The following AK5 variants were observed in gnomAD, a reference collection of about 807,000 sequenced individuals.
AK5 encodes adenylate kinase isoenzyme 5.
In AK5, 27 loss-of-function variants were observed where a neutral mutation model predicts 69.5. That is an observed-to-expected ratio of 0.39 (90% CI 0.29 to 0.54). The LOEUF is 0.54. Ranked by LOEUF, AK5 falls within the 20% of genes least tolerant of loss-of-function variation. The probability of loss-of-function intolerance (pLI) is 0.71; values close to 1 mark genes in which losing one functional copy is unlikely to be tolerated. For missense variants in AK5, 531 were observed against 700.4 expected (o/e 0.76, Z 2.73); for synonymous variants, 260 against 244.4 (o/e 1.06, Z -0.60).
intron 10 of AK5, among the ~76,000 whole-genome samples, chr1:77,515,414 C>T (rs7514937): frequency 2.0e-5 from 3 of 151,980 alleles, no homozygotes; most frequent in South Asian, 2.1e-4. Context: ...CCAGGAAAAC[C>T]GCAGAATGAG....
chr1:77,379,848 G>A (rs959064321), intron 6 of AK5, among the ~76,000 whole-genome samples: 10 of 152,090 alleles, frequency 6.6e-5, no homozygotes, highest in Non-Finnish European at 8.8e-5. Flanking sequence ...CATAAATAAC[G>A]TATCTGGGTC....
At chr1:77,403,015 G>A (rs936131700) in intron 6 of AK5, among the ~76,000 whole-genome samples, 35 of 152,084 alleles carry the variant, frequency 2.3e-4, no homozygotes, top group African/African-American at 8.5e-4. Context: ...GTATCTCATT[G>A]TGGTTTTGAT....
intron 5 of AK5, among the ~76,000 whole-genome samples, chr1:77,336,609 T>C (rs890995746): frequency 1.3e-5 from 2 of 152,188 alleles, no homozygotes; most frequent in Admixed American, 1.3e-4. Flanking sequence ...AGCTACAGTA[T>C]TATAATATTC....
chr1:77,353,554 A>G (rs1662329665), intron 6 of AK5, among the ~76,000 whole-genome samples: 1 of 152,136 alleles, frequency 6.6e-6, no homozygotes, highest in South Asian at 2.1e-4. Context: ...TCAGGTAAAG[A>G]TAGGGACTTG....
At chr1:77,535,136 C>G (rs982116281) in intron 12 of AK5, among the ~76,000 whole-genome samples, 1 of 152,216 alleles carries the variant, frequency 6.6e-6, no homozygotes, top group African/African-American at 2.4e-5. Context: ...CCCACTGCAG[C>G]AAGTGTTCCA....
chr1:77,467,906 C>G (rs1442057527), intron 8 of AK5, among the ~76,000 whole-genome samples: 16 of 152,324 alleles, frequency 1.1e-4, no homozygotes, highest in Admixed American at 6.5e-4. Context: ...TCATCCCTCA[C>G]CCGGTGCTCA....
intron 6 of AK5, among the ~76,000 whole-genome samples, chr1:77,364,186 T>C (rs911000664): frequency 6.6e-6 from 1 of 152,184 alleles, no homozygotes; most frequent in African/African-American, 2.4e-5. Context: ...TTTAATACCA[T>C]AGAAATGTAT....
Position 77,404,672 on chromosome 1 carries a change from CT to C in AK5, c.892-6308del, listed in dbSNP as rs201779958. Among the ~76,000 whole-genome samples the C allele has an allele frequency of 4.3e-3, 650 of 152,258 alleles. 8 individuals are homozygous for C. Among genetic ancestry groups the C allele is most frequent in the African/African-American group, 0.015 (619 of 41,530 alleles). ...AGTGAAATGTTGTAGAAAATGAAAT[CT>C]GACTTAATTCTGTGGTCCTGATATA... On this transcript the variant is annotated intron_variant, in intron 6 of 13. Transcript: ENST00000354567.
At chr1:77,339,158 C>G (rs758351787) in intron 5 of AK5, among the ~76,000 whole-genome samples, 7 of 152,224 alleles carry the variant, frequency 4.6e-5, no homozygotes, top group Non-Finnish European at 8.8e-5. Flanking sequence ...TATAGTAATA[C>G]ATGCATATCA....
intron 6 of AK5, among the ~76,000 whole-genome samples, chr1:77,359,019 G>T (rs1646803381): frequency 6.6e-6 from 1 of 152,138 alleles, no homozygotes; most frequent in Non-Finnish European, 1.5e-5. Flanking sequence ...ACTTTGAGAG[G>T]CTGAGGCGGG....
Position 77,483,086 on chromosome 1 carries a change from C to G in AK5, c.1060-231C>G, listed in dbSNP as rs115283168. On this transcript the variant is annotated intron_variant, in intron 8 of 13. Coordinates refer to ENST00000354567, the MANE Select transcript of AK5 (RefSeq NM_174858.3). Reference sequence around the variant, plus strand: ...TTAAGAAGAGAGCATGTACTTGGGACAGATGACCCAGGTTTAATTCTGAGC... The same window carrying G: ...TTAAGAAGAGAGCATGTACTTGGGAGAGATGACCCAGGTTTAATTCTGAGC... 4.2e-3 allele frequency among the ~76,000 whole-genome samples: 576 copies of G among 136,094 alleles called. 1 individual carries two copies. The highest frequency in any genetic ancestry group is 6.7e-3 in the Non-Finnish European group (435 of 64,866). 89.3% of individuals were successfully genotyped at this position (136,094 alleles called of 152,430 possible). A position where few individuals can be genotyped will look rare whatever the true frequency, so the allele number is the denominator to read the frequency against.
chr1:77,542,395 G>T (rs138437142), intron 13 of AK5, among the ~76,000 whole-genome samples: 1,746 of 152,256 alleles, frequency 0.011, 19 homozygotes, highest in South Asian at 0.018. Context: ...AAACAAAACA[G>T]AATGCATTGT....
In AK5 at chr1:77,526,108, A is replaced by G. The variant is rs147940455; in HGVS notation, c.1428+4165A>G. On this transcript the variant is annotated intron_variant, in intron 12 of 13. Transcript: ENST00000354567. Reference sequence around the variant, plus strand: ...TTTGTTTATTCTAATCTTCTAGCCAACGTCTAGGCTGTGGATAAGTCCCTA... The same window carrying G: ...TTTGTTTATTCTAATCTTCTAGCCAGCGTCTAGGCTGTGGATAAGTCCCTA... Among the ~76,000 whole-genome samples the G allele has an allele frequency of 1.4e-3, 215 of 152,318 alleles. 1 individual carries two copies. Among genetic ancestry groups the G allele is most frequent in the African/African-American group, 4.8e-3 (201 of 41,556 alleles).
At chr1:77,437,707 T>A (rs1246470580) in intron 8 of AK5, among the ~76,000 whole-genome samples, 1 of 152,196 alleles carries the variant, frequency 6.6e-6, no homozygotes, top group African/African-American at 2.4e-5. Flanking sequence ...GGCAATAAAT[T>A]TATCTTTTTA....
intron 8 of AK5, among the ~76,000 whole-genome samples, chr1:77,477,888 C>A (rs1001722568): frequency 8.5e-5 from 13 of 152,258 alleles, no homozygotes; most frequent in African/African-American, 2.9e-4. Flanking sequence ...GAATACACCC[C>A]CAAAATGACC....
chr1:77,296,823 GAGAT>G (rs1407273920), intron 3 of AK5, among the ~76,000 whole-genome samples: 9 of 152,166 alleles, frequency 5.9e-5, no homozygotes, highest in Non-Finnish European at 1.0e-4. Flanking sequence ...ATATGACAAA[GAGAT>G]AGAGATCTAG....
chr1:77,448,301 C>T (rs1652883431), intron 8 of AK5, among the ~76,000 whole-genome samples: 1 of 152,176 alleles, frequency 6.6e-6, no homozygotes, highest in East Asian at 1.9e-4. Flanking sequence ...ATCAGCATGC[C>T]CTTCTTCCCC....
At chr1:77,333,939 G>C (rs1186896120) in intron 5 of AK5, among the ~76,000 whole-genome samples, 1 of 152,164 alleles carries the variant, frequency 6.6e-6, no homozygotes, top group Non-Finnish European at 1.5e-5. Context: ...ACTGCCTCAT[G>C]ATTTATGTAC....
chr1:77,352,511 A>T (rs1039670600), intron 6 of AK5, among the ~76,000 whole-genome samples: 1 of 152,198 alleles, frequency 6.6e-6, no homozygotes, highest in Admixed American at 6.5e-5. Context: ...ACTTATGTCC[A>T]AGTAGAGTTA....
Sources: allele counts gnomAD v4.1 joint callset (sites outside exome capture counted in the v4.1 genomes callset), GRCh38; gene constraint gnomAD v4.1.1; transcripts MANE v1.5; gene names NCBI Gene and HGNC (gene_info 2026-07-23, HGNC 2026-07-21).